The following ZBTB16 variants were observed in gnomAD, a reference collection of about 807,000 sequenced individuals.
The protein encoded by ZBTB16 is zinc finger and BTB domain containing 16.
Under a neutral mutation model 56.8 loss-of-function variants are expected in ZBTB16, and 8 were observed. That is an observed-to-expected ratio of 0.14 (90% CI 0.08 to 0.25). The LOEUF (loss-of-function observed/expected upper bound fraction) is 0.25. Ranked by LOEUF, ZBTB16 falls within the 10% of genes least tolerant of loss-of-function variation. ZBTB16 has a pLI of 1.00. For synonymous variants in ZBTB16, 363 were observed against 368.5 expected (o/e 0.98, Z 0.17); for missense variants, 625 against 903.0 (o/e 0.69, Z 3.95).
chr11:114,126,049 C>A (rs1189816262), intron 2 of ZBTB16, among the ~76,000 whole-genome samples: 1 of 152,148 alleles, frequency 6.6e-6, no homozygotes, highest in Non-Finnish European at 1.5e-5. Context: ...TCAGTCATAT[C>A]CACAGCCTCC....
intron 4 of ZBTB16, among the ~76,000 whole-genome samples, chr11:114,234,362 A>T (rs1284072111): frequency 1.3e-5 from 2 of 152,226 alleles, no homozygotes; most frequent in African/African-American, 4.8e-5. Context: ...CTCAAAGCTA[A>T]TTGAGTTTGA....
rs534062809 is a variant in ZBTB16 at position 114,198,642 on chromosome 11, C to T, written c.1453+11604C>T. Among the ~76,000 whole-genome samples the T allele has an allele frequency of 2.6e-5, 4 of 152,258 alleles. No individual in the cohort carries two copies. The South Asian group carries it at 8.3e-4, about 32-fold the overall frequency. On this transcript the variant is annotated intron_variant, in intron 4 of 6. Coordinates refer to ENST00000335953, the MANE Select transcript of ZBTB16 (RefSeq NM_006006.6). ...AAAATGGAATGGAGAGTATAGAGTT[C>T]CCACTGTACCCCCGTCCTCACACGC...
At chr11:114,119,264 C>CAAAA (rs71063549) in intron 2 of ZBTB16, among the ~76,000 whole-genome samples, 27 of 57,212 alleles carry the variant, frequency 4.7e-4, no homozygotes, top group African/African-American at 1.3e-3. Flanking sequence ...AACTCTGTCT[C>CAAAA]AAAAAAAAAA....
intron 5 of ZBTB16, among the ~76,000 whole-genome samples, chr11:114,246,446 A>G (rs17116748): frequency 0.011 from 1,627 of 151,092 alleles, 17 homozygotes; most frequent in African/African-American, 0.035. Flanking sequence ...GTTTGTTGCC[A>G]TGATCATCTG....
chr11:114,105,665 G>A (rs1940765455), intron 2 of ZBTB16, among the ~76,000 whole-genome samples: 1 of 152,184 alleles, frequency 6.6e-6, no homozygotes, highest in Admixed American at 6.5e-5. Context: ...TCCCTCGTTT[G>A]TTTGTAAACT....
At chr11:114,071,266 A>G (rs1321656081) in intron 2 of ZBTB16, among the ~76,000 whole-genome samples, 2 of 145,608 alleles carry the variant, frequency 1.4e-5, no homozygotes, top group African/African-American at 2.5e-5. Context: ...TTTTTAAAAT[A>G]CTTTAACCTG....
chr11:114,119,351 C>T (rs549536886), intron 2 of ZBTB16, among the ~76,000 whole-genome samples: 45 of 141,828 alleles, frequency 3.2e-4, no homozygotes, highest in Middle Eastern at 3.8e-3. Flanking sequence ...TGTGTGCGCG[C>T]GTGTGTGTGT....
intron 3 of ZBTB16, among the ~76,000 whole-genome samples, chr11:114,176,388 G>T (rs1229654673): frequency 6.6e-6 from 1 of 152,140 alleles, no homozygotes; most frequent in Non-Finnish European, 1.5e-5. Flanking sequence ...ACAAAGTTAT[G>T]AACACTTGAA....
chr11:114,062,485 C>A (rs921031128), intron 1 of ZBTB16, among the ~76,000 whole-genome samples: 8 of 152,238 alleles, frequency 5.3e-5, no homozygotes, highest in African/African-American at 1.7e-4. Flanking sequence ...AACTTTGAGG[C>A]TTCCGTGGGT....
intron 2 of ZBTB16, among the ~76,000 whole-genome samples, chr11:114,095,300 A>G (rs1419326570): frequency 8.7e-6 from 1 of 114,906 alleles, no homozygotes; most frequent in Non-Finnish European, 1.6e-5. Context: ...TTGCTCTGTC[A>G]CCCAGGCTGG....
At chr11:114,232,848 G>C (rs1186593533) in intron 4 of ZBTB16, among the ~76,000 whole-genome samples, 1 of 152,276 alleles carries the variant, frequency 6.6e-6, no homozygotes, top group African/African-American at 2.4e-5. Context: ...CGCCCCCAGC[G>C]GGTGCTGCTT....
chr11:114,138,934 A>T, intron 2 of ZBTB16, among the ~76,000 whole-genome samples: 1 of 151,492 alleles, frequency 6.6e-6, no homozygotes, highest in Non-Finnish European at 1.5e-5. Flanking sequence ...CAAGTGATCC[A>T]CCCGCTTCTG....
Position 114,150,932 on chromosome 11 carries a change from T to C in ZBTB16, c.1269-5405T>C, listed in dbSNP as rs192022595. ...ATGTCAGCACCAACTGCCCAGGTCC[T>C]GCTCGACAGGACCAGGAAGTTTGCA... is the stretch of plus-strand genomic sequence containing the variant. On this transcript the variant is annotated intron_variant, in intron 2 of 6. Transcript: ENST00000335953. Among the ~76,000 whole-genome samples, 46 of 152,342 alleles carry C rather than the reference T, an allele frequency of 3.0e-4. 1 individual carries two copies. Among genetic ancestry groups the C allele is most frequent in the Admixed American group, 2.2e-3 (34 of 15,304 alleles).
intron 3 of ZBTB16, among the ~76,000 whole-genome samples, chr11:114,174,478 C>CTA (rs1222222796): frequency 6.6e-6 from 1 of 152,058 alleles, no homozygotes; most frequent in African/African-American, 2.4e-5. Context: ...ATCAGAAGTT[C>CTA]GAGACCAGCC....
At chr11:114,148,863 GGTGTGTGTGTGTGTGTGTGT>G (rs35071911) in intron 2 of ZBTB16, among the ~76,000 whole-genome samples, 1 of 143,954 alleles carries the variant, frequency 6.9e-6, no homozygotes, top group African/African-American at 2.6e-5. Flanking sequence ...GTTTTTTACT[GGTGTGTGTGTGTGTGTGTGT>G]GTGTGTGTGT....
intron 2 of ZBTB16, among the ~76,000 whole-genome samples, chr11:114,132,826 G>A (rs2134866370): frequency 6.6e-6 from 1 of 152,178 alleles, no homozygotes; most frequent in South Asian, 2.1e-4. Context: ...GGAGTTGTGG[G>A]TGTACCTGGG....
At chr11:114,156,540 C>G in intron 3 of ZBTB16, 106 bp downstream of exon 3, 4 of 1,026,118 alleles carry the variant, frequency 3.9e-6, no homozygotes, top group Non-Finnish European at 4.5e-6. Context: ...CCACTGCCCG[C>G]TGGGGCCCTG....
At chr11:114,223,369 A>G (rs1355568698) in intron 4 of ZBTB16, among the ~76,000 whole-genome samples, 2 of 152,188 alleles carry the variant, frequency 1.3e-5, no homozygotes, top group East Asian at 3.9e-4. Context: ...CCTGCAACTC[A>G]TAGGGAATTG....
intron 2 of ZBTB16, among the ~76,000 whole-genome samples, chr11:114,070,263 C>T (rs370653628): frequency 6.3e-4 from 95 of 151,382 alleles, no homozygotes; most frequent in African/African-American, 2.0e-3. Context: ...CGCCCGCCAC[C>T]GCGCCCGGCT....
Sources: gnomAD v4.1 joint callset for allele counts (sites outside exome capture counted in the v4.1 genomes callset) on GRCh38, gnomAD v4.1.1 for gene constraint, MANE v1.5 for transcripts, NCBI Gene and HGNC (gene_info 2026-07-23, HGNC 2026-07-21) for gene names.